The following ZBTB7C variants were observed in gnomAD, a reference collection of about 807,000 sequenced individuals.
ZBTB7C encodes zinc finger and BTB domain containing 7C, also known as zinc finger and BTB domain-containing protein 7C.
Under a neutral mutation model 25.7 loss-of-function variants are expected in ZBTB7C, and 8 were observed. That is an observed-to-expected ratio of 0.31 (90% CI 0.18 to 0.56). The LOEUF (loss-of-function observed/expected upper bound fraction) is 0.56, where lower values mean the gene tolerates loss of function less well. Ranked by LOEUF, ZBTB7C falls within the 20% of genes least tolerant of loss-of-function variation. The probability of loss-of-function intolerance (pLI) is 0.91; values close to 1 mark genes in which losing one functional copy is unlikely to be tolerated. For missense variants in ZBTB7C, 824 were observed against 855.2 expected, an observed-to-expected ratio of 0.96 and a Z score of 0.46; for synonymous variants, 394 against 369.0, an observed-to-expected ratio of 1.07 and a Z score of -0.78.
Position 48,357,380 on chromosome 18 carries a change from C to T in ZBTB7C, c.-303-18982G>A, listed in dbSNP as rs79980074. 6.1e-4 allele frequency among the ~76,000 whole-genome samples: 93 copies of T among 152,280 alleles called. No homozygotes were observed. The East Asian group carries it at 0.014, about 22-fold the overall frequency. The stretch of plus-strand genomic sequence containing the variant: ...GGAGAAACACAGCTGGGAACTGGGA[C>T]GCAGAGCTCACACTTCCTCACCTCT... On this transcript the variant is annotated intron_variant, in intron 1 of 4. Coordinates refer to ENST00000590800, the MANE Select transcript of ZBTB7C (RefSeq NM_001318841.2).
At chr18:48,260,223 TGAGA>T (rs2044132643) in intron 2 of ZBTB7C, among the ~76,000 whole-genome samples, 1 of 152,294 alleles carries the variant, frequency 6.6e-6, no homozygotes, top group African/African-American at 2.4e-5. Flanking sequence ...CTATGCTGAG[TGAGA>T]GAAACTGCAT....
chr18:48,074,462 GC>G (rs2037681097), intron 3 of ZBTB7C, among the ~76,000 whole-genome samples: 1 of 152,240 alleles, frequency 6.6e-6, no homozygotes, highest in East Asian at 1.9e-4. Flanking sequence ...CACAGTAGGT[GC>G]TCAGCAGACG....
In ZBTB7C at chr18:48,038,403, T is replaced by C. The variant is rs190594940; in HGVS notation, c.1208+1497A>G. Among the ~76,000 whole-genome samples the C allele has an allele frequency of 2.0e-4, 30 of 152,230 alleles. 1 individual carries two copies. Among genetic ancestry groups the C allele is most frequent in the Admixed American group, 1.6e-3 (25 of 15,294 alleles). ...ACCTTGGAAATAATCAGTGTTTCCT[T>C]CAAAACAGTCCCCTGAGGAGCCTGC... On this transcript the variant is annotated intron_variant, in intron 4 of 4. Transcript: ENST00000590800.
At chr18:48,354,725 C>T (rs535738721) in intron 1 of ZBTB7C, among the ~76,000 whole-genome samples, 2 of 152,296 alleles carry the variant, frequency 1.3e-5, no homozygotes, top group Non-Finnish European at 2.9e-5. Flanking sequence ...TCCCTGCAGC[C>T]AGTTAGGCAG....
intron 3 of ZBTB7C, among the ~76,000 whole-genome samples, chr18:48,084,570 G>A (rs1174193955): frequency 6.6e-6 from 1 of 152,136 alleles, no homozygotes; most frequent in African/African-American, 2.4e-5. Context: ...TGTGAGCCAC[G>A]GAGGAGTGAG....
chr18:48,148,359 A>G (rs4267393), intron 3 of ZBTB7C: 59,705 of 151,984 alleles, frequency 0.39, 13,246 homozygotes, highest in Middle Eastern at 0.51. Flanking sequence ...TTATTCACAC[A>G]AGTTCAATAA....
intron 2 of ZBTB7C, among the ~76,000 whole-genome samples, chr18:48,227,033 AAAAAAGAAAAAG>A (rs1395229085): frequency 1.3e-4 from 20 of 149,846 alleles, no homozygotes; most frequent in African/African-American, 4.2e-4. Context: ...AAAAAAAAAA[AAAAAAGAAAAAG>A]AAAAAGAAAA....
upstream of ZBTB7C, among the ~76,000 whole-genome samples, chr18:48,409,680 G>T (rs1281997756): frequency 2.6e-5 from 4 of 152,020 alleles, no homozygotes; most frequent in African/African-American, 7.2e-5. Context: ...GCGGCGCGGC[G>T]GGGGGCGCCC....
intron 1 of ZBTB7C, among the ~76,000 whole-genome samples, chr18:48,356,612 G>A (rs1023135889): frequency 6.6e-6 from 1 of 152,172 alleles, no homozygotes; most frequent in African/African-American, 2.4e-5. Flanking sequence ...GCAGAAGTGA[G>A]TAAGGAAGGG....
At chr18:48,292,777 G>C (rs75233541) in intron 2 of ZBTB7C, among the ~76,000 whole-genome samples, 1 of 152,156 alleles carries the variant, frequency 6.6e-6, no homozygotes, top group African/African-American at 2.4e-5. Flanking sequence ...GAGCTGGAAA[G>C]GAGTCCATGG....
At chr18:48,396,336 A>G (rs2048028384) in intron 1 of ZBTB7C, among the ~76,000 whole-genome samples, 1 of 152,232 alleles carries the variant, frequency 6.6e-6, no homozygotes, top group African/African-American at 2.4e-5. Flanking sequence ...TCAGAGCTAC[A>G]TGAGAAATCA....
intron 2 of ZBTB7C, among the ~76,000 whole-genome samples, chr18:48,213,087 C>T (rs557594763): frequency 2.0e-4 from 30 of 151,770 alleles, no homozygotes; most frequent in South Asian, 1.0e-3. Context: ...CTGGTTTCAG[C>T]GGGGGCAGTT....
intron 3 of ZBTB7C, among the ~76,000 whole-genome samples, chr18:48,143,892 G>T (rs1418872241): frequency 6.6e-6 from 1 of 152,096 alleles, no homozygotes; most frequent in African/African-American, 2.4e-5. Flanking sequence ...TTTGTATTTG[G>T]TGCTGAACCC....
At chr18:48,273,058 C>T (rs1049736013) in intron 2 of ZBTB7C, among the ~76,000 whole-genome samples, 1 of 152,088 alleles carries the variant, frequency 6.6e-6, no homozygotes, top group African/African-American at 2.4e-5. Context: ...ATGACGAAAA[C>T]ATTCTGGAAT....
chr18:48,194,742 G>A (rs112351301), intron 2 of ZBTB7C, among the ~76,000 whole-genome samples: 4 of 152,140 alleles, frequency 2.6e-5, no homozygotes, highest in African/African-American at 9.7e-5. Context: ...CAGCCAGGAG[G>A]GCAGCTGAGG....
intron 3 of ZBTB7C, among the ~76,000 whole-genome samples, chr18:48,154,634 C>T (rs570664244): frequency 1.4e-4 from 21 of 152,280 alleles, no homozygotes; most frequent in Admixed American, 1.1e-3. Flanking sequence ...ATATAGACAC[C>T]TTATGGAAAA....
Position 48,077,193 on chromosome 18 carries a change from G to A in ZBTB7C, c.-16-36070C>T, listed in dbSNP as rs185711298. On this transcript the variant is annotated intron_variant, in intron 3 of 4. Transcript: ENST00000590800. ...AGGAAATGAGGAGATGTCGGCTAGA[G>A]GGTACAAACTTCCAGTTATGAGTAA... Among the ~76,000 whole-genome samples, 8 of 152,142 alleles carry A rather than the reference G, an allele frequency of 5.3e-5. No homozygotes were observed. In the East Asian group the frequency reaches 1.2e-3, roughly 22 times the overall value.
At chr18:48,106,690 T>C (rs1222079587) in intron 3 of ZBTB7C, among the ~76,000 whole-genome samples, 8 of 152,136 alleles carry the variant, frequency 5.3e-5, no homozygotes, top group Admixed American at 4.6e-4. Flanking sequence ...ACATCAGTCA[T>C]GCCTCAATAA....
chr18:48,215,605 T>A (rs1478610833), intron 2 of ZBTB7C, among the ~76,000 whole-genome samples: 2 of 152,160 alleles, frequency 1.3e-5, no homozygotes, highest in Non-Finnish European at 2.9e-5. Flanking sequence ...GTGTCTGGGT[T>A]AAGGTAAGGG....
Sources: gnomAD v4.1 joint callset for allele counts (sites outside exome capture counted in the v4.1 genomes callset) on GRCh38, gnomAD v4.1.1 for gene constraint, MANE v1.5 for transcripts, NCBI Gene and HGNC (gene_info 2026-07-23, HGNC 2026-07-21) for gene names.